ATP8A2: variants seen among roughly 807,000 people sequenced by gnomAD.
ATP8A2 encodes the protein phospholipid-transporting ATPase IB.
ATP8A2 carries 100 observed loss-of-function variants against 165.6 expected under a neutral mutation model. The observed-to-expected ratio is 0.60, with a 90% CI of 0.51 to 0.71. The LOEUF (loss-of-function observed/expected upper bound fraction) is 0.71. ATP8A2 is among the 30% of genes least tolerant of loss of function. ATP8A2 has a pLI of 0.00. For missense variants in ATP8A2, 1,227 were observed against 1,479.5 expected (o/e 0.83, Z 2.80); for synonymous variants, 543 against 548.8 (o/e 0.99, Z 0.15).
intron 25 of ATP8A2, among the ~76,000 whole-genome samples, chr13:25,759,079 C>G (rs2044325664): frequency 6.6e-6 from 1 of 152,108 alleles, no homozygotes; most frequent in African/African-American, 2.4e-5. Flanking sequence ...TGCAAACTAC[C>G]TGCCTGAGTG....
intron 1 of ATP8A2, among the ~76,000 whole-genome samples, chr13:25,418,575 A>T (rs1240523758): frequency 6.6e-6 from 1 of 152,208 alleles, no homozygotes; most frequent in African/African-American, 2.4e-5. Flanking sequence ...CAAAGAGCAG[A>T]TGCATTTGTA....
rs537445821 is a variant in ATP8A2, at chr13:25,977,654, T to C, written c.3377+8975T>C. On this transcript the variant is annotated intron_variant, in intron 35 of 36. Transcript: ENST00000381655. Reference sequence around the variant, plus strand: ...CCTGTTGTTGTTGTTGTTGTTGTTATTGTTCTTATGGACCGATGTTTAATA... The same window carrying C: ...CCTGTTGTTGTTGTTGTTGTTGTTACTGTTCTTATGGACCGATGTTTAATA... Among the ~76,000 whole-genome samples the C allele has an allele frequency of 5.3e-5, 8 of 152,360 alleles. No homozygotes were observed. The South Asian group carries it at 1.5e-3, about 28-fold the overall frequency.
intron 25 of ATP8A2, 104 bp from the exon 26 acceptor site, chr13:25,768,942 G>C (rs779308406): frequency 9.2e-7 from 1 of 1,087,714 alleles, no homozygotes; most frequent in Non-Finnish European, 1.4e-6. Context: ...TATTGAATTT[G>C]GAGATCGTCC....
At chr13:25,405,921 C>T (rs145029943) in intron 1 of ATP8A2, among the ~76,000 whole-genome samples, 2 of 152,172 alleles carry the variant, frequency 1.3e-5, no homozygotes, top group South Asian at 4.1e-4. Context: ...CCACTCATGT[C>T]TTCTCTCAAC....
rs570703888 is a variant in ATP8A2 at position 25,980,924 on chromosome 13, A to G, written c.3377+12245A>G. 1.7e-3 allele frequency among the ~76,000 whole-genome samples: 262 copies of G among 152,334 alleles called. 2 individuals carry two copies. Among genetic ancestry groups the G allele is most frequent in the African/African-American group, 6.0e-3 (248 of 41,574 alleles). On this transcript the variant is annotated intron_variant, in intron 35 of 36. Transcript: ENST00000381655. ...GTTAAGTGAAACCTCAATACTGTAT[A>G]TAAAAATACACAAAATATTTATTAG...
chr13:25,524,886 ACTTCCTTCCTTCCTTCCTTC>A lies in ATP8A2; in HGVS notation c.222-5080_222-5061del, dbSNP rs58154499. The stretch of plus-strand genomic sequence containing the variant: ...CTGCTTGTTTTCTCATTGTTTGATA[ACTTCCTTCCTTCCTTCCTTC>A]CTTCCTTCCTTCCTTCCTTCCTTCC... On this transcript the variant is annotated intron_variant, in intron 2 of 36. Transcript: ENST00000381655. Among the ~76,000 whole-genome samples, 1,073 of 141,716 alleles carry A rather than the reference ACTTCCTTCCTTCCTTCCTTC, an allele frequency of 7.6e-3. 14 individuals carry two copies. The highest frequency in any genetic ancestry group is 0.018 in the African/African-American group (696 of 37,706). 93.0% of individuals were successfully genotyped at this position (141,716 alleles called of 152,430 possible). A position where few individuals can be genotyped will look rare whatever the true frequency, so the allele number is the denominator to read the frequency against.
intron 27 of ATP8A2, among the ~76,000 whole-genome samples, chr13:25,827,746 G>C (rs1238332642): frequency 6.6e-6 from 1 of 152,176 alleles, no homozygotes; most frequent in Non-Finnish European, 1.5e-5. Context: ...TGAAAGTCCG[G>C]CAAAGACACA....
intron 1 of ATP8A2, among the ~76,000 whole-genome samples, chr13:25,435,309 C>T (rs897999273): frequency 1.3e-5 from 2 of 151,940 alleles, no homozygotes; most frequent in South Asian, 2.1e-4. Flanking sequence ...TTAGTAGAGA[C>T]GGGGTTTCAC....
chr13:25,826,610 G>A (rs1757703048), intron 27 of ATP8A2, among the ~76,000 whole-genome samples: 1 of 152,136 alleles, frequency 6.6e-6, no homozygotes, highest in African/African-American at 2.4e-5. Flanking sequence ...TGGTTGTCAT[G>A]GTGTCTGTTC....
chr13:25,970,595 T>G (rs1955890417), intron 35 of ATP8A2, among the ~76,000 whole-genome samples: 1 of 152,250 alleles, frequency 6.6e-6, no homozygotes, highest in African/African-American at 2.4e-5. Context: ...ATATTTCATA[T>G]GATCAGATTG....
chr13:25,823,901 A>T (rs1430756639), intron 27 of ATP8A2, among the ~76,000 whole-genome samples: 1 of 151,970 alleles, frequency 6.6e-6, no homozygotes, highest in Non-Finnish European at 1.5e-5. Flanking sequence ...CTTATCTTTA[A>T]AGTCTTCTGA....
intron 1 of ATP8A2, among the ~76,000 whole-genome samples, chr13:25,450,688 T>C (rs12184571): frequency 0.019 from 2,911 of 152,002 alleles, 96 homozygotes; most frequent in African/African-American, 0.057. Flanking sequence ...CCCGCCACCA[T>C]GCCCGGCTAA....
At chr13:25,410,648 G>A (rs2033939984) in intron 1 of ATP8A2, among the ~76,000 whole-genome samples, 1 of 152,220 alleles carries the variant, frequency 6.6e-6, no homozygotes, top group Non-Finnish European at 1.5e-5. Flanking sequence ...TTTGCAGTAA[G>A]GGCTGGAAGA....
At chr13:25,775,148 G>A (rs184283954) in intron 27 of ATP8A2, among the ~76,000 whole-genome samples, 189 bp downstream of exon 27, 2 of 152,280 alleles carry the variant, frequency 1.3e-5, no homozygotes, top group African/African-American at 4.8e-5. Context: ...AGATCCTCAT[G>A]CTGGATGACC....
intron 36 of ATP8A2, among the ~76,000 whole-genome samples, chr13:26,018,863 C>G (rs1358078403): frequency 6.6e-6 from 1 of 152,168 alleles, no homozygotes; most frequent in East Asian, 1.9e-4. Context: ...CATAGGGTTT[C>G]TGGGAGGATT....
intron 33 of ATP8A2, among the ~76,000 whole-genome samples, chr13:25,880,507 A>G (rs1441102247): frequency 6.6e-6 from 1 of 152,208 alleles, no homozygotes; most frequent in Non-Finnish European, 1.5e-5. Context: ...CTCTCCAGCC[A>G]TAATCCTGAC....
intron 33 of ATP8A2, among the ~76,000 whole-genome samples, chr13:25,917,880 A>G (rs1320392728): frequency 6.6e-6 from 1 of 152,248 alleles, no homozygotes; most frequent in East Asian, 1.9e-4. Flanking sequence ...TAATAGATGT[A>G]TCACAGCCAT....
intron 20 of ATP8A2, among the ~76,000 whole-genome samples, chr13:25,578,281 C>CTGTGG (rs2039673728): frequency 6.6e-6 from 1 of 152,216 alleles, no homozygotes; most frequent in Non-Finnish European, 1.5e-5. Context: ...GATGGATTAT[C>CTGTGG]TGTGGGATCT....
chr13:25,482,141 T>G (rs2036224063), intron 2 of ATP8A2, among the ~76,000 whole-genome samples: 2 of 152,166 alleles, frequency 1.3e-5, no homozygotes, highest in Non-Finnish European at 2.9e-5. Flanking sequence ...TAAGCTCTGA[T>G]AGCATCTTCC....
Sources: gnomAD v4.1 joint callset for allele counts (sites outside exome capture counted in the v4.1 genomes callset) on GRCh38, gnomAD v4.1.1 for gene constraint, MANE v1.5 for transcripts, NCBI Gene and HGNC (gene_info 2026-07-23, HGNC 2026-07-21) for gene names.